The following NRXN1 variants were observed in gnomAD, a reference collection of about 807,000 sequenced individuals.
NRXN1 encodes neurexin 1.
NRXN1 carries 39 observed loss-of-function variants against 150.9 expected under a neutral mutation model. The ratio of observed to expected loss-of-function variants is 0.26; its 90% CI spans 0.20 to 0.34. The LOEUF is 0.34. NRXN1 is among the 10% of genes least tolerant of loss of function. The probability of loss-of-function intolerance (pLI) is 1.00; values close to 1 mark genes in which losing one functional copy is unlikely to be tolerated. For missense variants in NRXN1, 1,815 were observed against 1,949.9 expected, an observed-to-expected ratio of 0.93 and a Z score of 1.30; for synonymous variants, 924 against 757.0, an observed-to-expected ratio of 1.22 and a Z score of -3.62.
intron 21 of NRXN1, among the ~76,000 whole-genome samples, chr2:50,012,928 G>C (rs1685952624): frequency 6.6e-6 from 1 of 152,032 alleles, no homozygotes; most frequent in Non-Finnish European, 1.5e-5. Context: ...TTGTGGCTGT[G>C]TCCTTCTTTG....
chr2:50,239,452 T>C (rs1469091574), intron 17 of NRXN1, among the ~76,000 whole-genome samples: 1 of 148,734 alleles, frequency 6.7e-6, no homozygotes. Flanking sequence ...GTAAGCATTA[T>C]AAAACAACAT....
At chr2:50,917,881 T>C (rs1375557568) in intron 5 of NRXN1, 2 of 151,628 alleles carry the variant, frequency 1.3e-5, no homozygotes, top group African/African-American at 2.4e-5. Context: ...AAACACCAAA[T>C]GCTTTATTCT....
intron 5 of NRXN1, among the ~76,000 whole-genome samples, chr2:50,805,645 C>T (rs1441232022): frequency 5.9e-5 from 9 of 151,748 alleles, no homozygotes; most frequent in East Asian, 1.9e-4. Flanking sequence ...GTCAAAAGGA[C>T]GGAAGGAAGG....
At chr2:50,680,626 C>A (rs572603869) in intron 5 of NRXN1, among the ~76,000 whole-genome samples, 3 of 152,008 alleles carry the variant, frequency 2.0e-5, no homozygotes, top group Non-Finnish European at 4.4e-5. Flanking sequence ...TATAATGTAA[C>A]CAAGAATATT....
chr2:50,526,136 T>C (rs1377191679), intron 12 of NRXN1, among the ~76,000 whole-genome samples: 2 of 151,934 alleles, frequency 1.3e-5, no homozygotes, highest in African/African-American at 4.8e-5. Flanking sequence ...AGAAAATGAC[T>C]ATAGGAAACA....
At chr2:50,967,800 TTCTAAGG>T (rs2104756149) in intron 2 of NRXN1, among the ~76,000 whole-genome samples, 2 of 152,042 alleles carry the variant, frequency 1.3e-5, no homozygotes, top group East Asian at 3.9e-4. Context: ...CCTGCACCAT[TTCTAAGG>T]TCTTTTCTAG....
At chr2:50,880,166 T>C (rs989885101) in intron 5 of NRXN1, among the ~76,000 whole-genome samples, 6 of 151,954 alleles carry the variant, frequency 3.9e-5, no homozygotes, top group African/African-American at 1.2e-4. Flanking sequence ...GTTTTTTCCC[T>C]GTGAAGTTAT....
At chr2:50,460,670 T>G (rs1298188649) in intron 17 of NRXN1, among the ~76,000 whole-genome samples, 1 of 152,086 alleles carries the variant, frequency 6.6e-6, no homozygotes, top group African/African-American at 2.4e-5. Context: ...TGTCATACAT[T>G]ATGCTTTATT....
intron 17 of NRXN1, among the ~76,000 whole-genome samples, chr2:50,380,423 A>C (rs1368490667): frequency 6.6e-6 from 1 of 152,086 alleles, no homozygotes; most frequent in Non-Finnish European, 1.5e-5. Context: ...GTTTCAAATA[A>C]ACAGTTGTTT....
In NRXN1 at chr2:50,252,319, C is replaced by T. The variant is rs190452967; in HGVS notation, c.3365-15349G>A. On this transcript the variant is annotated intron_variant, in intron 17 of 22. Coordinates refer to ENST00000401669, the MANE Select transcript of NRXN1 (RefSeq NM_001330078.2). ...CTATCACCCAGGCTGGAATGCAGTG[C>T]GTGATCTTGGCTCACTGCAACCTCT... 1.3e-3 allele frequency among the ~76,000 whole-genome samples: 161 copies of T among 123,694 alleles called. 2 individuals are homozygous for T. Among genetic ancestry groups the T allele is most frequent in the Admixed American group, 8.6e-4 (8 of 9,270 alleles). The allele number at this position is 123,694 out of a possible 152,430, so 81.1% of individuals were successfully genotyped here. A position where few individuals can be genotyped will look rare whatever the true frequency, so the allele number is the denominator to read the frequency against.
intron 21 of NRXN1, among the ~76,000 whole-genome samples, chr2:50,042,550 G>C (rs1691154815): frequency 6.6e-6 from 1 of 152,134 alleles, no homozygotes; most frequent in Admixed American, 6.6e-5. Flanking sequence ...AGCAGCGTGG[G>C]AATGGACTAA....
chr2:50,530,064 T>C (rs1014514046), intron 11 of NRXN1, among the ~76,000 whole-genome samples: 2 of 152,200 alleles, frequency 1.3e-5, no homozygotes. Context: ...ATCTATGTAG[T>C]TTCAAATTTC....
chr2:50,065,620 A>G (rs2152655279), intron 19 of NRXN1, among the ~76,000 whole-genome samples: 1 of 152,314 alleles, frequency 6.6e-6, no homozygotes, highest in South Asian at 2.1e-4. Flanking sequence ...AGGTAAGTAA[A>G]GTGATCAAAG....
chr2:51,027,773 G>C lies in NRXN1; in HGVS notation c.501C>G (p.Leu167=), dbSNP rs200248561. 3.6e-4 allele frequency: 577 copies of C among 1,612,478 alleles called. 2 individuals carry two copies. The African/African-American group carries it at 4.1e-3, about 12-fold the overall frequency. The change falls in exon 2 of 23, where the codon CTC becomes CTG. Residue 167 remains leucine (L), a synonymous_variant. Transcript: ENST00000401669. ...GLPPELRAAA[L]KLTLASVRER... is the part of the protein sequence containing the mutation. ...CCCTCACCGAGGCCAGGGTGAGCTT[G>C]AGCGCCGCGGCGCGCAGTTCCGGGG...
chr2:50,605,614 T>A (rs189769762), intron 8 of NRXN1, among the ~76,000 whole-genome samples: 1 of 152,088 alleles, frequency 6.6e-6, no homozygotes, highest in Non-Finnish European at 1.5e-5. Context: ...CTGGCTATTA[T>A]TAAAAAAGAC....
At chr2:49,994,599 C>T (rs1682605171) in intron 21 of NRXN1, among the ~76,000 whole-genome samples, 1 of 152,080 alleles carries the variant, frequency 6.6e-6, no homozygotes, top group Non-Finnish European at 1.5e-5. Context: ...CACAACCTAC[C>T]TATAAGGACC....
chr2:50,510,421 G>T (rs1236829236), intron 12 of NRXN1, among the ~76,000 whole-genome samples: 1 of 141,468 alleles, frequency 7.1e-6, no homozygotes, highest in East Asian at 2.2e-4. Flanking sequence ...AGGAGGCGGA[G>T]GTTGCAGTGA....
intron 2 of NRXN1, among the ~76,000 whole-genome samples, chr2:51,001,338 A>T (rs1700051016): frequency 6.6e-6 from 1 of 151,852 alleles, no homozygotes; most frequent in Admixed American, 6.6e-5. Flanking sequence ...AAGCCAGAGC[A>T]AAAAATCGTA....
chr2:50,494,363 G>A (rs1364623868), intron 15 of NRXN1, among the ~76,000 whole-genome samples: 3 of 152,110 alleles, frequency 2.0e-5, no homozygotes, highest in Non-Finnish European at 4.4e-5. Flanking sequence ...TCAGCACACT[G>A]GATTTTACAA....
Sources: gnomAD v4.1 joint callset for allele counts (sites outside exome capture counted in the v4.1 genomes callset) on GRCh38, gnomAD v4.1.1 for gene constraint, MANE v1.5 for transcripts, NCBI Gene and HGNC (gene_info 2026-07-23, HGNC 2026-07-21) for gene names.